Variants in PRSS38 observed in about 807,000 individuals in gnomAD.
PRSS38 encodes marapsin 2.
In PRSS38, 22 loss-of-function variants were observed where a neutral mutation model predicts 26.8. The ratio of observed to expected loss-of-function variants is 0.82; its 90% CI spans 0.59 to 1.17. PRSS38 has a LOEUF of 1.17. Among genes scored for constraint, PRSS38 ranks in the 50% most tolerant of loss-of-function variants. PRSS38 has a pLI of 0.00. For missense variants in PRSS38, 427 were observed against 422.7 expected (o/e 1.01, Z -0.09); for synonymous variants, 175 against 172.1 (o/e 1.02, Z -0.13).
At chr1:227,845,336 T>C in intron 3 of PRSS38, 134 bp from the exon 4 acceptor site, 1 of 630,870 alleles carries the variant, frequency 1.6e-6, no homozygotes, top group Non-Finnish European at 2.8e-6. Context: ...TCCCTATGTG[T>C]CATCAGGGCT....
chr1:227,829,226 G>A (rs1456087434), intron 3 of PRSS38, among the ~76,000 whole-genome samples: 1 of 152,098 alleles, frequency 6.6e-6, no homozygotes, highest in Non-Finnish European at 1.5e-5. Flanking sequence ...GGCCATTTTA[G>A]TCTTGTACTA....
chr1:227,829,593 T>A (rs1409015391), intron 3 of PRSS38, among the ~76,000 whole-genome samples: 1 of 152,200 alleles, frequency 6.6e-6, no homozygotes, highest in Admixed American at 6.5e-5. Context: ...TAGTTTATGA[T>A]TTTTGAATCT....
Position 227,845,441 on chromosome 1 carries a change from G to GC in PRSS38, c.584-24dup, listed in dbSNP as rs774738356. On this transcript the variant is annotated intron_variant, in intron 3 of 4. Coordinates refer to ENST00000366757, the Ensembl canonical transcript of PRSS38. ...CCCCACCCCACACGAAGCAGGTGCTGCCCCCTCACGGGAGCCCTCCTCCCA... is the reference window on the plus strand; with the variant it reads ...CCCCACCCCACACGAAGCAGGTGCTGCCCCCCTCACGGGAGCCCTCCTCCCA... 6 of 1,584,958 alleles carry GC rather than the reference G, an allele frequency of 3.8e-6. No homozygotes were observed. In the South Asian group the frequency reaches 5.6e-5, roughly 15 times the overall value.
At chr1:227,829,271 C>G (rs549749730) in intron 3 of PRSS38, among the ~76,000 whole-genome samples, 14 of 152,204 alleles carry the variant, frequency 9.2e-5, no homozygotes, top group Non-Finnish European at 1.6e-4. Context: ...TAAGCCTTCC[C>G]TTTTCTCTTC....
At chr1:227,831,493 T>C (rs916013742) in intron 3 of PRSS38, among the ~76,000 whole-genome samples, 1 of 152,162 alleles carries the variant, frequency 6.6e-6, no homozygotes, top group Non-Finnish European at 1.5e-5. Flanking sequence ...TTGCTGTCAT[T>C]GGTGTGGAAA....
At chr1:227,834,289 C>T (rs2102681477) in intron 3 of PRSS38, among the ~76,000 whole-genome samples, 1 of 152,174 alleles carries the variant, frequency 6.6e-6, no homozygotes, top group East Asian at 1.9e-4. Context: ...GACAGCAGCC[C>T]TAGGAAACAA....
At chr1:227,835,473 G>A (rs994868857) in intron 3 of PRSS38, among the ~76,000 whole-genome samples, 3 of 152,174 alleles carry the variant, frequency 2.0e-5, no homozygotes, top group African/African-American at 4.8e-5. Flanking sequence ...TCCTAGGTAT[G>A]TACTCAAGGG....
At chr1:227,826,666 A>C (rs1393457734) in intron 3 of PRSS38, among the ~76,000 whole-genome samples, 1 of 152,034 alleles carries the variant, frequency 6.6e-6, no homozygotes, top group African/African-American at 2.4e-5. Flanking sequence ...CAGTGAGCCG[A>C]GATAGTGCCA....
chr1:227,816,043 C>T lies in PRSS38; in HGVS notation c.149-47C>T. On this transcript the variant is annotated intron_variant, in intron 1 of 4. Coordinates refer to ENST00000366757, the Ensembl canonical transcript of PRSS38. The surrounding 1 kb of genome is among the most constrained non-coding windows in gnomAD (Gnocchi z 5.1). ...CACGTCCCCTGCCTGCCCTACCTCT[C>T]CCGTGGCCCCAGCATGGCTCCACCG... 6.3e-7 allele frequency: 1 copy of T among 1,580,966 alleles called. No individual in the cohort carries two copies. Among genetic ancestry groups the T allele is most frequent in the African/African-American group, 1.3e-5 (1 of 74,430 alleles).
chr1:227,827,262 G>A (rs1373860814), intron 3 of PRSS38, among the ~76,000 whole-genome samples: 1 of 152,122 alleles, frequency 6.6e-6, no homozygotes. Flanking sequence ...AATGGAACTG[G>A]CTCTTCTTTG....
intron 3 of PRSS38, among the ~76,000 whole-genome samples, chr1:227,823,141 T>A (rs201340630): frequency 6.6e-6 from 1 of 152,134 alleles, no homozygotes; most frequent in East Asian, 1.9e-4. Flanking sequence ...CCACTCTCTG[T>A]GTTGTGAACT....
At chr1:227,826,091 C>T (rs1394514739) in intron 3 of PRSS38, among the ~76,000 whole-genome samples, 1 of 152,028 alleles carries the variant, frequency 6.6e-6, no homozygotes, top group Non-Finnish European at 1.5e-5. Flanking sequence ...TGAAGAGGTC[C>T]TTCACTTCCC....
chr1:227,846,013 T>C (rs1665425676), exon 5 of PRSS38: 1 of 1,614,202 alleles, frequency 6.2e-7, no homozygotes, highest in Non-Finnish European at 8.5e-7. Context: ...AGATTGGAAT[T>C]GTGAGCTGGG....
At position 227,816,703 on chromosome 1, in the gene PRSS38, C is replaced by T. The variant is rs984530806; in HGVS notation, c.311+451C>T. On this transcript the variant is annotated intron_variant, in intron 2 of 4. Coordinates refer to ENST00000366757, the Ensembl canonical transcript of PRSS38. The surrounding 1 kb of genome is among the most constrained non-coding windows in gnomAD (Gnocchi z 5.1). ...GTGAGGCTGGTCCTCAAGGGCACAGCCAGATTCCCACAAGTGAGGCTGGTC... is the reference window on the plus strand; with the variant it reads ...GTGAGGCTGGTCCTCAAGGGCACAGTCAGATTCCCACAAGTGAGGCTGGTC... Among the ~76,000 whole-genome samples, 25 of 152,160 alleles carry T rather than the reference C, an allele frequency of 1.6e-4. No homozygotes were observed. Among genetic ancestry groups the T allele is most frequent in the African/African-American group, 6.0e-4 (25 of 41,486 alleles).
intron 3 of PRSS38, among the ~76,000 whole-genome samples, chr1:227,829,790 CTT>C (rs889097601): frequency 1.3e-5 from 2 of 152,122 alleles, no homozygotes; most frequent in African/African-American, 2.4e-5. Flanking sequence ...TGTGGGTAGG[CTT>C]TCTCTCTCTT....
intron 3 of PRSS38, among the ~76,000 whole-genome samples, chr1:227,830,251 T>G (rs949022324): frequency 2.0e-5 from 3 of 152,138 alleles, no homozygotes; most frequent in Non-Finnish European, 4.4e-5. Context: ...ATTTTTCTTG[T>G]GATGTTTTTG....
At chr1:227,846,240 C>A (rs750888184) in exon 5 of PRSS38, 19 of 1,597,552 alleles carry the variant, frequency 1.2e-5, no homozygotes, top group Admixed American at 6.7e-5. Flanking sequence ...ATTCTCATGG[C>A]TGCACACCCT....
chr1:227,842,234 G>A (rs1030074512), intron 3 of PRSS38, among the ~76,000 whole-genome samples: 2 of 152,256 alleles, frequency 1.3e-5, no homozygotes, highest in East Asian at 3.9e-4. Context: ...GTCTATCTGT[G>A]ATCTATAGGC....
At chr1:227,817,525 C>A (rs756089729) in intron 3 of PRSS38, 45 bp downstream of exon 3, 2 of 1,592,592 alleles carry the variant, frequency 1.3e-6, no homozygotes, top group Non-Finnish European at 1.7e-6. Context: ...GAAGGCTTCT[C>A]TTCCACCACA....
Sources: gnomAD v4.1 joint callset for allele counts (sites outside exome capture counted in the v4.1 genomes callset) on GRCh38, gnomAD v4.1.1 for gene constraint, Gnocchi (gnomAD v3.1) non-coding constraint, MANE v1.5 for transcripts, NCBI Gene and HGNC (gene_info 2026-07-23, HGNC 2026-07-21) for gene names.